The following SPRTN variants were observed in gnomAD, a reference collection of about 807,000 sequenced individuals.
SPRTN encodes DNA-dependent metalloprotease SPRTN.
A neutral mutation model predicts 31.9 loss-of-function variants in SPRTN; 11 were observed. That is an observed-to-expected ratio of 0.34 (90% CI 0.22 to 0.57). The LOEUF (loss-of-function observed/expected upper bound fraction) is 0.57. Ranked by LOEUF, SPRTN falls within the 20% of genes least tolerant of loss-of-function variation. The pLI is 0.86. For synonymous variants in SPRTN, 185 were observed against 212.1 expected, an observed-to-expected ratio of 0.87 and a Z score of 1.11; for missense variants, 482 against 590.1, an observed-to-expected ratio of 0.82 and a Z score of 1.90.
At chr1:231,344,673 G>A (rs878884302) in intron 2 of SPRTN, 1 of 299,018 alleles carries the variant, frequency 3.3e-6, no homozygotes, top group South Asian at 3.0e-5. Context: ...TTCTTCTGAT[G>A]GAAATTGTTT....
At chr1:231,339,004 C>T (rs1308925058) in intron 1 of SPRTN, among the ~76,000 whole-genome samples, 1 of 152,196 alleles carries the variant, frequency 6.6e-6, no homozygotes, top group Non-Finnish European at 1.5e-5. Context: ...TGTGTGTTCT[C>T]CTCCTCTATT....
rs879220124 is a variant in SPRTN, at chr1:231,354,630, G to A, written c.*1269G>A. The A allele has an allele frequency of 6.5e-6, 1 of 153,508 alleles. No homozygotes were observed. The highest frequency in any genetic ancestry group is 6.5e-5 in the Admixed American group (1 of 15,286). 9.5% of individuals were successfully genotyped at this position (153,508 alleles called of 1,614,324 possible). A position where few individuals can be genotyped will look rare whatever the true frequency, so the allele number is the denominator to read the frequency against. ...GCAGATTATTTTTTAATTTTATAATGTAGTATCTTTGTTCCTATGTATAGC... is the reference window on the plus strand; with the variant it reads ...GCAGATTATTTTTTAATTTTATAATATAGTATCTTTGTTCCTATGTATAGC... On this transcript the variant is annotated 3_prime_UTR_variant, in exon 5 of 5. Coordinates refer to ENST00000295050, the MANE Select transcript of SPRTN (RefSeq NM_032018.7).
chr1:231,342,417 T>A (rs1265956921), intron 2 of SPRTN, among the ~76,000 whole-genome samples: 1 of 148,246 alleles, frequency 6.7e-6, no homozygotes, highest in African/African-American at 2.6e-5. Flanking sequence ...CATATTTTTA[T>A]TTATTTATTT....
In SPRTN at chr1:231,352,775, G is replaced by A; in HGVS notation, c.884G>A (p.Arg295Lys). ...CAAAACCATTCAGCAAATGCTGTAA[G>A]ACCTAATTCTAAAATCAAGGTGAAA... ...LNQNHSANAV[R>K]PNSKIKVKFE... Residue 295 changes from arginine to lysine, a missense_variant, in exon 5 of 5, where the codon AGA (arginine) becomes AAA (lysine). Around this residue, in one of 2 missense-constraint regions of SPRTN, gnomAD observed 325 missense variants for 350.2 expected, o/e 0.93. Transcript: ENST00000295050. 1 of 1,614,048 alleles carries A rather than the reference G, an allele frequency of 6.2e-7. No homozygotes were observed. Among genetic ancestry groups the A allele is most frequent in the Non-Finnish European group, 8.5e-7 (1 of 1,179,960 alleles).
At chr1:231,344,368 G>A (rs1323474280) in intron 2 of SPRTN, among the ~76,000 whole-genome samples, 1 of 152,172 alleles carries the variant, frequency 6.6e-6, no homozygotes, top group East Asian at 1.9e-4. Context: ...TTAGCCAGGT[G>A]TGGTGACATG....
intron 2 of SPRTN, among the ~76,000 whole-genome samples, chr1:231,342,723 G>A (rs368388731): frequency 5.4e-5 from 8 of 149,256 alleles, no homozygotes; most frequent in South Asian, 4.2e-4. Context: ...CACCATGCCC[G>A]GCCAGGACTA....
At chr1:231,339,539 A>T in intron 1 of SPRTN, 1 of 726,334 alleles carries the variant, frequency 1.4e-6, no homozygotes, top group Non-Finnish European at 2.4e-6. Context: ...CAGGGTGGTG[A>T]GAGCACGCTG....
chr1:231,354,270 T>A lies in SPRTN; in HGVS notation c.*909T>A. ...TTTAAGTAATCTTTTTTAAAAAAAATATTTTCCATGTTATAGGGAAAGGAC... is the reference window on the plus strand; with the variant it reads ...TTTAAGTAATCTTTTTTAAAAAAAAAATTTTCCATGTTATAGGGAAAGGAC... On this transcript the variant is annotated 3_prime_UTR_variant, in exon 5 of 5. Coordinates refer to ENST00000295050, the MANE Select transcript of SPRTN (RefSeq NM_032018.7). The A allele has an allele frequency of 1.0e-6, 1 of 976,698 alleles. No homozygotes were observed. The highest frequency in any genetic ancestry group is 1.2e-6 in the Non-Finnish European group (1 of 821,948). The allele number at this position is 976,698 out of a possible 1,614,324, so 60.5% of individuals were successfully genotyped here.
rs370821316 is a variant in SPRTN at position 231,352,626 on chromosome 1, T to G, written c.735T>G (p.Gly245=). The change falls in exon 5 of 5, where the codon GGT becomes GGG. Residue 245 remains glycine (G), a synonymous_variant. Coordinates refer to ENST00000295050, the MANE Select transcript of SPRTN (RefSeq NM_032018.7). ...TTTTGGCAGATAAACCCAACAGAGG[T>G]GAGGCCCAGCTAGTAATCCCTTTTA... The part of the protein sequence containing the change: ...AAENKDKPNR[G]EAQLVIPFSG... 6.3e-7 allele frequency: 1 copy of G among 1,588,336 alleles called. No individual in the cohort carries two copies. Among genetic ancestry groups the G allele is most frequent in the African/African-American group, 1.4e-5 (1 of 73,638 alleles).
intron 4 of SPRTN, chr1:231,351,992 C>A: frequency 2.0e-6 from 2 of 998,892 alleles, no homozygotes; most frequent in Non-Finnish European, 2.4e-6. Context: ...CCTAACTACA[C>A]CCCTTCCTAT....
chr1:231,353,499 A>G lies in SPRTN; in HGVS notation c.*138A>G, dbSNP rs1438536690. ...TAACCAATAGAAAGTGTCCTATTTT[A>G]TATATACGCATATAAGATTGTAATT... On this transcript the variant is annotated 3_prime_UTR_variant, in exon 5 of 5. Transcript: ENST00000295050. 5.7e-6 allele frequency: 8 copies of G among 1,391,340 alleles called. No individual in the cohort carries two copies. In the African/African-American group the frequency reaches 1.0e-4, roughly 18 times the overall value. 86.2% of individuals were successfully genotyped at this position (1,391,340 alleles called of 1,614,324 possible).
intron 3 of SPRTN, among the ~76,000 whole-genome samples, chr1:231,350,708 T>G (rs2102872881): frequency 6.6e-6 from 1 of 152,198 alleles, no homozygotes; most frequent in East Asian, 1.9e-4. Context: ...GAAATATTTA[T>G]AAACAGATAA....
intron 3 of SPRTN, among the ~76,000 whole-genome samples, chr1:231,350,583 T>C (rs1687194120): frequency 6.6e-6 from 1 of 152,136 alleles, no homozygotes; most frequent in Admixed American, 6.5e-5. Flanking sequence ...TTTGACTCAA[T>C]GAATGATGCT....
Position 231,352,690 on chromosome 1 carries a change from C to T in SPRTN, c.799C>T (p.Pro267Ser). 2 of 1,613,954 alleles carry T rather than the reference C, an allele frequency of 1.2e-6. No homozygotes were observed. The highest frequency in any genetic ancestry group is 1.7e-6 in the Non-Finnish European group (2 of 1,179,928). ...GYVLGETSNL[P>S]SPGKLITSHA... is the part of the protein sequence containing the mutation. ...TGTTCTAGGAGAAACAAGCAATTTA[C>T]CTTCACCTGGGAAACTGATCACTTC... Residue 267 changes from proline (P) to serine (S), a missense_variant, in exon 5 of 5, where the codon CCT (proline) becomes TCT (serine). Physicochemically the swap from Pro to Ser is moderately conservative, Grantham distance 74. Coordinates refer to ENST00000295050, the MANE Select transcript of SPRTN (RefSeq NM_032018.7).
At chr1:231,346,670 C>A (rs1446907827) in intron 2 of SPRTN, among the ~76,000 whole-genome samples, 2 of 152,092 alleles carry the variant, frequency 1.3e-5, no homozygotes, top group African/African-American at 4.8e-5. Context: ...TGTCTGGGTG[C>A]AGTGGCTGAC....
At chr1:231,340,642 C>T (rs1182919015) in intron 2 of SPRTN, among the ~76,000 whole-genome samples, 4 of 152,048 alleles carry the variant, frequency 2.6e-5, no homozygotes, top group Non-Finnish European at 5.9e-5. Flanking sequence ...TGTGAGGGCA[C>T]GCTTCACATT....
At position 231,351,491 on chromosome 1, in the gene SPRTN, A is replaced by G. The variant is rs1687236472; in HGVS notation, c.638A>G (p.Lys213Arg). Residue 213 changes from lysine to arginine, a missense_variant, in exon 4 of 5, where the codon AAG (lysine) becomes AGG (arginine). By Grantham distance (26) the Lys-to-Arg change is conservative. Coordinates refer to ENST00000295050, the MANE Select transcript of SPRTN (RefSeq NM_032018.7). ...TGTGGAGGCACTTACATAAAAATCA[A>G]GGAACCAGAGAATTACTCAAAAAAA... ...KTCGGTYIKI[K>R]EPENYSKKGK... The G allele has an allele frequency of 1.2e-6, 2 of 1,614,120 alleles. No individual in the cohort carries two copies. The highest frequency in any genetic ancestry group is 1.3e-5 in the African/African-American group (1 of 74,946).
At chr1:231,346,532 G>GT (rs1468545783) in intron 2 of SPRTN, among the ~76,000 whole-genome samples, 1 of 151,918 alleles carries the variant, frequency 6.6e-6, no homozygotes, top group Non-Finnish European at 1.5e-5. Context: ...TTGAAATTGG[G>GT]TTGTCATTCC....
In SPRTN at chr1:231,353,224, A is replaced by G; in HGVS notation, c.1333A>G (p.Ser445Gly). ...TAGTACAACCACAGCTCAGAATTCC[A>G]GCAGTTCATCCAGTCAGAGCAAAAT... is the stretch of plus-strand genomic sequence containing the variant. The part of the protein sequence containing the change: ...KYSTTTAQNS[S>G]SSSSQSKMVN... Residue 445 changes from serine to glycine, a missense_variant, in exon 5 of 5, where the codon AGC becomes GGC. Physicochemically the swap from Ser to Gly is moderately conservative, Grantham distance 56. This residue lies in a region of SPRTN where 325 missense variants were observed against 350.2 expected (regional missense o/e 0.93). Coordinates refer to ENST00000295050, the MANE Select transcript of SPRTN (RefSeq NM_032018.7). 1.2e-6 allele frequency: 2 copies of G among 1,614,150 alleles called. No individual in the cohort carries two copies. The highest frequency in any genetic ancestry group is 1.7e-6 in the Non-Finnish European group (2 of 1,180,000).
Sources: gnomAD v4.1 joint callset for allele counts (sites outside exome capture counted in the v4.1 genomes callset) on GRCh38, gnomAD v4.1.1 for gene constraint, gnomAD v4.1.1 regional missense constraint, MANE v1.5 for transcripts, NCBI Gene and HGNC (gene_info 2026-07-23, HGNC 2026-07-21) for gene names.